Variants in MSI2 observed in about 807,000 individuals in gnomAD.
The protein encoded by MSI2 is musashi RNA binding protein 2.
In MSI2, 17 loss-of-function variants were observed where a neutral mutation model predicts 45.6. That is an observed-to-expected ratio of 0.37 (90% CI 0.26 to 0.56). The LOEUF (loss-of-function observed/expected upper bound fraction) is 0.56, where lower values mean the gene tolerates loss of function less well. Among genes scored for constraint, MSI2 ranks in the 20% least tolerant of loss-of-function variants. The pLI, the probability that MSI2 is intolerant of heterozygous loss-of-function variation, is 0.77. For missense variants in MSI2, 293 were observed against 444.2 expected, an observed-to-expected ratio of 0.66 and a Z score of 3.06; for synonymous variants, 156 against 158.2, an observed-to-expected ratio of 0.99 and a Z score of 0.11.
At chr17:57,463,656 A>G (rs1007360212) in intron 6 of MSI2, among the ~76,000 whole-genome samples, 1 of 152,154 alleles carries the variant, frequency 6.6e-6, no homozygotes, top group Non-Finnish European at 1.5e-5. Context: ...TTCCCTGTCC[A>G]GTCCAATCAC....
At chr17:57,574,893 C>G (rs529214190) in intron 7 of MSI2, among the ~76,000 whole-genome samples, 15 of 148,744 alleles carry the variant, frequency 1.0e-4, no homozygotes, top group Middle Eastern at 3.5e-3. Context: ...TGCAGTGGCA[C>G]GATCTCAGCT....
At chr17:57,383,438 C>A (rs992296642) in intron 5 of MSI2, among the ~76,000 whole-genome samples, 1 of 152,196 alleles carries the variant, frequency 6.6e-6, no homozygotes, top group Non-Finnish European at 1.5e-5. Flanking sequence ...GGGTGGATCA[C>A]CTGAGGTCAG....
At chr17:57,527,519 T>TG (rs1225851384) in intron 6 of MSI2, among the ~76,000 whole-genome samples, 1 of 152,182 alleles carries the variant, frequency 6.6e-6, no homozygotes, top group Non-Finnish European at 1.5e-5. Context: ...GGGATGGGCA[T>TG]GGGGATCTCC....
At chr17:57,348,860 G>C (rs1468156415) in intron 5 of MSI2, among the ~76,000 whole-genome samples, 4 of 152,128 alleles carry the variant, frequency 2.6e-5, no homozygotes, top group African/African-American at 9.7e-5. Flanking sequence ...CCCCTCTCAG[G>C]GTGTTCTGGC....
At chr17:57,374,276 T>C (rs2083461545) in intron 5 of MSI2, among the ~76,000 whole-genome samples, 1 of 152,212 alleles carries the variant, frequency 6.6e-6, no homozygotes, top group Admixed American at 6.5e-5. Context: ...AAGTGGTATG[T>C]GGTAGTTTAT....
chr17:57,557,014 G>C (rs1434526600), intron 7 of MSI2, among the ~76,000 whole-genome samples: 1 of 152,198 alleles, frequency 6.6e-6, no homozygotes, highest in Non-Finnish European at 1.5e-5. Context: ...GCCTGAAATG[G>C]AGAAGGGACT....
At chr17:57,463,263 G>A (rs2085265810) in intron 6 of MSI2, among the ~76,000 whole-genome samples, 1 of 152,192 alleles carries the variant, frequency 6.6e-6, no homozygotes, top group African/African-American at 2.4e-5. Context: ...GTGTATGTAG[G>A]AGTGGGGGTG....
At chr17:57,622,426 G>A (rs886886813) in intron 9 of MSI2, among the ~76,000 whole-genome samples, 1 of 152,142 alleles carries the variant, frequency 6.6e-6, no homozygotes, top group African/African-American at 2.4e-5. Context: ...TCTTGGCCTC[G>A]TTGGGCACAT....
At chr17:57,283,021 A>C (rs989495152) in intron 5 of MSI2, among the ~76,000 whole-genome samples, 1 of 151,840 alleles carries the variant, frequency 6.6e-6, no homozygotes, top group Non-Finnish European at 1.5e-5. Context: ...GGCTGTGACG[A>C]GAGTTGTATT....
chr17:57,586,969 G>C (rs2088364977), intron 7 of MSI2, among the ~76,000 whole-genome samples: 1 of 152,128 alleles, frequency 6.6e-6, no homozygotes, highest in Admixed American at 6.5e-5. Flanking sequence ...TCTTGAATTG[G>C]GAAGCATAGG....
chr17:57,354,089 G>A (rs146529069), intron 5 of MSI2, among the ~76,000 whole-genome samples: 43 of 152,204 alleles, frequency 2.8e-4, no homozygotes, highest in African/African-American at 1.0e-3. Context: ...GTTTCAGGGG[G>A]CATAACATTT....
In MSI2 at chr17:57,529,663, A is replaced by G; in HGVS notation, c.406-13A>G. On this transcript the variant is annotated splice_polypyrimidine_tract_variant and intron_variant, in intron 6 of 13. Transcript: ENST00000284073. The surrounding 1 kb of genome is among the most constrained non-coding windows in gnomAD (Gnocchi z 5.3). The stretch of plus-strand genomic sequence containing the variant: ...ATTCCTAAGGCAGCCTGTATTCTAT[A>G]TTTGTTTTGCAGGTGGAAGATGCAA... The G allele has an allele frequency of 6.2e-7, 1 of 1,611,844 alleles. No individual in the cohort carries two copies. Among genetic ancestry groups the G allele is most frequent in the East Asian group, 2.2e-5 (1 of 44,744 alleles).
chr17:57,632,723 G>A (rs1454386768), intron 10 of MSI2: 17 of 1,065,538 alleles, frequency 1.6e-5, no homozygotes, highest in East Asian at 5.0e-5. Flanking sequence ...GAATAATGAC[G>A]TACCACTCAG....
chr17:57,487,164 T>C (rs2085771521), intron 6 of MSI2, among the ~76,000 whole-genome samples: 1 of 152,292 alleles, frequency 6.6e-6, no homozygotes, highest in Middle Eastern at 3.4e-3. Flanking sequence ...GGAGGCTCAC[T>C]GAGAGAGAAG....
chr17:57,472,594 C>T (rs572193272), intron 6 of MSI2, among the ~76,000 whole-genome samples: 3 of 152,312 alleles, frequency 2.0e-5, no homozygotes, highest in East Asian at 3.9e-4. Flanking sequence ...GCCAACTGGC[C>T]TCATGACCTT....
chr17:57,597,915 G>C (rs957647019), intron 8 of MSI2, among the ~76,000 whole-genome samples: 3 of 152,172 alleles, frequency 2.0e-5, no homozygotes, highest in African/African-American at 4.8e-5. Context: ...GCTCTTTAAA[G>C]TTCCTTTTTC....
intron 7 of MSI2, among the ~76,000 whole-genome samples, chr17:57,548,553 T>C (rs2087224308): frequency 6.6e-6 from 1 of 152,106 alleles, no homozygotes; most frequent in African/African-American, 2.4e-5. Flanking sequence ...TAGGGAGCCT[T>C]CCGTCTTATT....
the MSI2 span, among the ~76,000 whole-genome samples, chr17:57,699,527 G>A: frequency 3.8e-4 from 56 of 146,024 alleles, no homozygotes; most frequent in Non-Finnish European, 5.9e-4. Context: ...CTAAGCCTTC[G>A]TTCAGTGTTA....
At chr17:57,424,953 T>C (rs2084463961) in intron 6 of MSI2, among the ~76,000 whole-genome samples, 1 of 152,008 alleles carries the variant, frequency 6.6e-6, no homozygotes. Flanking sequence ...TTTTATGAGG[T>C]CCAACTTCTG....
Sources: gnomAD v4.1 joint callset for allele counts (sites outside exome capture counted in the v4.1 genomes callset) on GRCh38, gnomAD v4.1.1 for gene constraint, Gnocchi (gnomAD v3.1) non-coding constraint, MANE v1.5 for transcripts, NCBI Gene and HGNC (gene_info 2026-07-23, HGNC 2026-07-21) for gene names.